AK9: variants seen among roughly 807,000 people sequenced by gnomAD.
The protein encoded by AK9 is adenylate kinase 9.
In AK9, 191 loss-of-function variants were observed where a neutral mutation model predicts 239.6. The observed-to-expected ratio is 0.80, with a 90% CI of 0.71 to 0.90. The LOEUF (loss-of-function observed/expected upper bound fraction) is 0.90, where lower values mean the gene tolerates loss of function less well. Among genes scored for constraint, AK9 ranks in the 40% least tolerant of loss-of-function variants. The pLI is 0.00. For synonymous variants in AK9, 689 were observed against 721.0 expected (o/e 0.96, Z 0.71); for missense variants, 1,995 against 2,214.7 (o/e 0.90, Z 1.99).
Position 109,542,047 on chromosome 6 carries a change from C to T in AK9, c.3350G>A (p.Arg1117His), listed in dbSNP as rs201076839. Residue 1117 changes from arginine to histidine, a missense_variant and splice_region_variant, in exon 27 of 41, where the codon CGT becomes CAT. Physicochemically the swap from Arg to His is conservative, Grantham distance 29 (BLOSUM62 0). Transcript: ENST00000424296. ...TACAATTCTATATAAATTAAGATAC[C>T]GTATTGGTTCCTTAAGCCACCACTC... ...LSEWWLKEPI[R>H]STGFILDGFP... 14 of 1,572,110 alleles carry T rather than the reference C, an allele frequency of 8.9e-6. No individual in the cohort carries two copies. Among genetic ancestry groups the T allele is most frequent in the South Asian group, 1.2e-5 (1 of 84,910 alleles).
Position 109,550,238 on chromosome 6 carries a change from A to G in AK9, c.2816T>C (p.Val939Ala). Residue 939 changes from valine to alanine, a missense_variant, in exon 25 of 41, where the codon GTC (valine) becomes GCC (alanine). Transcript: ENST00000424296. ...LGDTKHFCPV[V>A]LKENFILQPG... ...TTGCAGGATGAAGTTTTCTTTGAGG[A>G]CCACCGGACAAAAGTGTTTTGTGTC... 6.2e-7 allele frequency: 1 copy of G among 1,613,250 alleles called. No individual in the cohort carries two copies. Among genetic ancestry groups the G allele is most frequent in the Non-Finnish European group, 8.5e-7 (1 of 1,179,996 alleles).
intron 24 of AK9, among the ~76,000 whole-genome samples, chr6:109,553,652 G>T (rs961945040): frequency 6.6e-6 from 1 of 152,170 alleles, no homozygotes; most frequent in African/African-American, 2.4e-5. Flanking sequence ...TGCAAGCAGA[G>T]ACAACTTGAC....
intron 12 of AK9, among the ~76,000 whole-genome samples, chr6:109,622,137 A>G (rs1794936233): frequency 6.8e-6 from 1 of 146,226 alleles, no homozygotes. Flanking sequence ...CATATTGTAT[A>G]TATTTTATAC....
intron 15 of AK9, among the ~76,000 whole-genome samples, chr6:109,612,644 C>T (rs1443291804): frequency 5.9e-5 from 9 of 151,950 alleles, no homozygotes; most frequent in South Asian, 4.2e-4. Flanking sequence ...GGGGTGGGGT[C>T]GTTCTGTGAA....
Position 109,564,847 on chromosome 6 carries a change from T to C in AK9, c.2345-2A>G. The C allele has an allele frequency of 6.5e-7, 1 of 1,527,612 alleles. No individual in the cohort carries two copies. The allele number at this position is 1,527,612 out of a possible 1,614,324, so 94.6% of individuals were successfully genotyped here. A position where few individuals can be genotyped will look rare whatever the true frequency, so the allele number is the denominator to read the frequency against. On this transcript the variant is annotated splice_acceptor_variant, in intron 21 of 40. Coordinates refer to ENST00000424296, the MANE Select transcript of AK9 (RefSeq NM_001145128.3). LOFTEE classifies it high-confidence loss of function. ...TAGTTTCCTCGATAGGCTCAGATAC[T>C]TAAGAAAGAAATCGAATAGTTAGTG...
rs538466651 is a variant in AK9, at chr6:109,652,215, T to C, written c.759+4541A>G. Among the ~76,000 whole-genome samples the C allele has an allele frequency of 1.5e-4, 23 of 152,346 alleles. No individual in the cohort carries two copies. The South Asian group carries it at 4.6e-3, about 30-fold the overall frequency. On this transcript the variant is annotated intron_variant, in intron 8 of 40. Transcript: ENST00000424296. The stretch of plus-strand genomic sequence containing the variant: ...AAAAAGCTTATCCACCACGATCAAG[T>C]TGGCTTCATCCCTGGGATGCAAGGC...
At chr6:109,547,321 T>C (rs1338907253) in intron 25 of AK9, among the ~76,000 whole-genome samples, 2 of 152,244 alleles carry the variant, frequency 1.3e-5, no homozygotes, top group South Asian at 2.1e-4. Context: ...TTGTGATGTA[T>C]ATATCTTGCT....
chr6:109,527,474 C>T (rs947202896), intron 29 of AK9, among the ~76,000 whole-genome samples: 2 of 152,086 alleles, frequency 1.3e-5, no homozygotes, highest in African/African-American at 2.4e-5. Flanking sequence ...GATGTGGAGT[C>T]GGGATGGATG....
Position 109,539,418 on chromosome 6 carries a change from A to G in AK9, c.3350+2629T>C, listed in dbSNP as rs184680854. On this transcript the variant is annotated intron_variant, in intron 27 of 40. Coordinates refer to ENST00000424296, the MANE Select transcript of AK9 (RefSeq NM_001145128.3). ...ATTGGCTACTGAAGCTTGTGCATTC[A>G]TCACGTAGTTCTCGTGCCATGGTTT... Among the ~76,000 whole-genome samples, 475 of 152,262 alleles carry G rather than the reference A, an allele frequency of 3.1e-3. 2 individuals are homozygous for G. Among genetic ancestry groups the G allele is most frequent in the African/African-American group, 0.011 (453 of 41,562 alleles).
At chr6:109,666,529 T>C (rs1217509503) in intron 5 of AK9, among the ~76,000 whole-genome samples, 1 of 152,186 alleles carries the variant, frequency 6.6e-6, no homozygotes, top group Non-Finnish European at 1.5e-5. Flanking sequence ...ACTAGGTGCT[T>C]TGTAGGCCAT....
At chr6:109,532,793 C>T (rs1256323948) in intron 28 of AK9, among the ~76,000 whole-genome samples, 1 of 149,226 alleles carries the variant, frequency 6.7e-6, no homozygotes, top group Admixed American at 6.8e-5. Flanking sequence ...TTCCCTGTGA[C>T]ACTTTTGAAC....
At chr6:109,616,955 A>C (rs1794255380) in intron 13 of AK9, among the ~76,000 whole-genome samples, 1 of 152,198 alleles carries the variant, frequency 6.6e-6, no homozygotes, top group African/African-American at 2.4e-5. Context: ...AGTTTAATAA[A>C]CTAGATAGTT....
intron 40 of AK9, 137 bp downstream of exon 40, chr6:109,493,844 C>T (rs1280460429): frequency 4.2e-6 from 3 of 715,544 alleles, no homozygotes; most frequent in Non-Finnish European, 4.6e-6. Flanking sequence ...AATATTTGCC[C>T]TGTATTGTAT....
intron 27 of AK9, among the ~76,000 whole-genome samples, chr6:109,537,139 C>T (rs951602214): frequency 6.6e-6 from 1 of 152,092 alleles, no homozygotes; most frequent in South Asian, 2.1e-4. Context: ...AGGGAGGATT[C>T]CCTCTTTTTC....
In AK9 at chr6:109,573,472, A is replaced by C. The variant is rs1188427150; in HGVS notation, c.2314T>G (p.Ser772Ala). The part of the protein sequence containing the change: ...GSWLPEEFEA[S>A]EVPETEPEAV... ...TCAGGCTCAGTTTCAGGGACCTCAGATGCTTCAAACTCCTCAGGTAACCAT... is the reference window on the plus strand; with the variant it reads ...TCAGGCTCAGTTTCAGGGACCTCAGCTGCTTCAAACTCCTCAGGTAACCAT... The change falls in exon 21 of 41, where the codon TCT (serine) becomes GCT (alanine). Residue 772 changes from serine (S) to alanine (A), a missense_variant. This residue lies in a region of AK9 where 1,290 missense variants were observed against 1,392.7 expected (regional missense o/e 0.93). Transcript: ENST00000424296. The C allele has an allele frequency of 6.4e-7, 1 of 1,550,660 alleles. No homozygotes were observed. The highest frequency in any genetic ancestry group is 1.4e-5 in the African/African-American group (1 of 72,990).
rs146609210 is a variant in AK9, at chr6:109,495,437, C to G, written c.5319G>C (p.Ser1773=). 21 of 1,611,608 alleles carry G rather than the reference C, an allele frequency of 1.3e-5. No homozygotes were observed. The highest frequency in any genetic ancestry group is 1.8e-5 in the Non-Finnish European group (21 of 1,178,898). Residue 1773 remains serine (S), a synonymous_variant, in exon 39 of 41, where the codon TCG becomes TCC. Transcript: ENST00000424296. ...NKEKLQKFLR[S]PLKYWEQKLP... is the part of the protein sequence containing the mutation. The stretch of plus-strand genomic sequence containing the variant: ...GCTTCTGTTCCCAGTATTTCAGTGG[C>G]GACCTAAGAACACAAAGTTCATTAG...
At chr6:109,563,245 T>C (rs1786009476) in intron 24 of AK9, among the ~76,000 whole-genome samples, 1 of 152,164 alleles carries the variant, frequency 6.6e-6, no homozygotes, top group African/African-American at 2.4e-5. Context: ...AGGGAGTGGA[T>C]GGGGCCTGAA....
intron 16 of AK9, among the ~76,000 whole-genome samples, chr6:109,611,159 A>C (rs1233412809): frequency 6.6e-6 from 1 of 152,156 alleles, no homozygotes; most frequent in Non-Finnish European, 1.5e-5. Context: ...CCTCTGCCTC[A>C]GGGCTCCAAC....
intron 17 of AK9, 76 bp from the exon 18 acceptor site, chr6:109,586,148 T>A: frequency 1.6e-6 from 2 of 1,257,802 alleles, no homozygotes; most frequent in Non-Finnish European, 2.1e-6. Flanking sequence ...GTAATTTTTG[T>A]GGATCTTAAA....
Sources: gnomAD v4.1 joint callset for allele counts (sites outside exome capture counted in the v4.1 genomes callset) on GRCh38, gnomAD v4.1.1 for gene constraint, gnomAD v4.1.1 regional missense constraint, MANE v1.5 for transcripts, NCBI Gene and HGNC (gene_info 2026-07-23, HGNC 2026-07-21) for gene names.